The following SRR variants were observed in gnomAD, a reference collection of about 807,000 sequenced individuals.
SRR encodes the protein serine racemase.
Under a neutral mutation model 32.7 loss-of-function variants are expected in SRR, and 19 were observed. The ratio of observed to expected loss-of-function variants is 0.58; its 90% CI spans 0.40 to 0.85. SRR has a LOEUF of 0.85. Among genes scored for constraint, SRR ranks in the 40% least tolerant of loss-of-function variants. SRR has a pLI of 0.00. For synonymous variants in SRR, 142 were observed against 140.9 expected (o/e 1.01, Z -0.06); for missense variants, 373 against 404.7 (o/e 0.92, Z 0.67).
Position 2,323,940 on chromosome 17 carries a change from T to C in SRR, c.*67T>C. On this transcript the variant is annotated 3_prime_UTR_variant, in exon 8 of 8. Coordinates refer to ENST00000344595, the MANE Select transcript of SRR (RefSeq NM_021947.3). Reference sequence around the variant, plus strand: ...ACTGAAGACATTTTGTTTCCTAGTATTGTCAACTCTTAGTTATCAGATTCT... The same window carrying C: ...ACTGAAGACATTTTGTTTCCTAGTACTGTCAACTCTTAGTTATCAGATTCT... The C allele has an allele frequency of 7.2e-7, 1 of 1,395,762 alleles. No individual in the cohort carries two copies. The highest frequency in any genetic ancestry group is 1.0e-6 in the Non-Finnish European group (1 of 1,002,446). 86.5% of individuals were successfully genotyped at this position (1,395,762 alleles called of 1,614,324 possible). A position where few individuals can be genotyped will look rare whatever the true frequency, so the allele number is the denominator to read the frequency against.
Position 2,324,710 on chromosome 17 carries a change from G to T in SRR, c.*837G>T, listed in dbSNP as rs772639833. The stretch of plus-strand genomic sequence containing the variant: ...CCACCTCTGTTGAAGAACATGTAAC[G>T]TACTACTGCCATCTTAGTAAAAATT... On this transcript the variant is annotated 3_prime_UTR_variant, in exon 8 of 8. Coordinates refer to ENST00000344595, the MANE Select transcript of SRR (RefSeq NM_021947.3). 6.2e-7 allele frequency: 1 copy of T among 1,613,942 alleles called. No homozygotes were observed. The highest frequency in any genetic ancestry group is 8.5e-7 in the Non-Finnish European group (1 of 1,180,030).
intron 1 of SRR, among the ~76,000 whole-genome samples, chr17:2,304,699 G>A (rs1221215444): frequency 6.6e-6 from 1 of 151,500 alleles, no homozygotes; most frequent in Non-Finnish European, 1.5e-5. Context: ...AGACTGCAGT[G>A]AGCCGAGATC....
chr17:2,312,744 G>T (rs889848199), intron 1 of SRR, among the ~76,000 whole-genome samples: 1 of 152,094 alleles, frequency 6.6e-6, no homozygotes, highest in African/African-American at 2.4e-5. Flanking sequence ...TTGGCAGTGG[G>T]TATCAGATTT....
At chr17:2,323,024 C>G in intron 6 of SRR, 112 bp from the exon 7 acceptor site, 1 of 1,153,102 alleles carries the variant, frequency 8.7e-7, no homozygotes, top group Non-Finnish European at 1.3e-6. Context: ...CTCGGGCTCC[C>G]AAAGTGTTGG....
At position 2,324,745 on chromosome 17, in the gene SRR, T is replaced by G; in HGVS notation, c.*872T>G. The G allele has an allele frequency of 1.2e-6, 2 of 1,614,238 alleles. No individual in the cohort carries two copies. Among genetic ancestry groups the G allele is most frequent in the Non-Finnish European group, 1.7e-6 (2 of 1,180,034 alleles). The stretch of plus-strand genomic sequence containing the variant: ...CATCTTAGTAAAAATTTTGAAAGGA[T>G]GACCACTCAGAACAACTCTCTTGAT... On this transcript the variant is annotated 3_prime_UTR_variant, in exon 8 of 8. Coordinates refer to ENST00000344595, the MANE Select transcript of SRR (RefSeq NM_021947.3).
chr17:2,310,874 G>A (rs1244600627), intron 1 of SRR, among the ~76,000 whole-genome samples: 6 of 152,034 alleles, frequency 3.9e-5, no homozygotes, highest in Non-Finnish European at 8.8e-5. Context: ...AGCCTCCCGA[G>A]TAGCTGGGAC....
At chr17:2,320,429 ATTC>A (rs1460490183) in intron 4 of SRR, among the ~76,000 whole-genome samples, 1 of 129,644 alleles carries the variant, frequency 7.7e-6, no homozygotes, top group Admixed American at 7.8e-5. Flanking sequence ...CTAATTTTTG[ATTC>A]TTTAGTACAG....
At position 2,317,978 on chromosome 17, in the gene SRR, T is replaced by C. The variant is rs1341111533; in HGVS notation, c.277T>C (p.Tyr93His). 6.2e-7 allele frequency: 1 copy of C among 1,613,020 alleles called. No homozygotes were observed. Among genetic ancestry groups the C allele is most frequent in the Admixed American group, 1.7e-5 (1 of 59,868 alleles). ...SSGNHGQALTYAAKLEGIPAY... is the reference protein window; with the variant it reads ...SSGNHGQALTHAAKLEGIPAY... The stretch of plus-strand genomic sequence containing the variant: ...TGGAAACCATGGCCAGGCTCTCACC[T>C]ATGCTGCCAAATTGGAAGGTACTTG... Residue 93 changes from tyrosine (Y) to histidine (H), a missense_variant, in exon 3 of 8, where the codon TAT (tyrosine) becomes CAT (histidine). Tyr to His is a moderately conservative substitution (Grantham distance 83). Coordinates refer to ENST00000344595, the MANE Select transcript of SRR (RefSeq NM_021947.3).
rs757648255 is a variant in SRR at position 2,324,689 on chromosome 17, C to T, written c.*816C>T. ...TCCCATCCTCCTCCTTCATACCCAC[C>T]TCTGTTGAAGAACATGTAACGTACT... On this transcript the variant is annotated 3_prime_UTR_variant, in exon 8 of 8. Coordinates refer to ENST00000344595, the MANE Select transcript of SRR (RefSeq NM_021947.3). 1 of 1,614,130 alleles carries T rather than the reference C, an allele frequency of 6.2e-7. No homozygotes were observed. Among genetic ancestry groups the T allele is most frequent in the Non-Finnish European group, 8.5e-7 (1 of 1,180,032 alleles).
At chr17:2,304,332 A>AGCTCCGCCTCCCGGGTTCAAGCTTTTCTC (rs2075360992) in intron 1 of SRR, among the ~76,000 whole-genome samples, 1 of 151,280 alleles carries the variant, frequency 6.6e-6, no homozygotes, top group Non-Finnish European at 1.5e-5. Flanking sequence ...GCTCACTGCA[A>AGCTCCGCCTCCCGGGTTCAAGCTTTTCTC]CCTCTGCCTC....
chr17:2,310,741 G>A (rs2075427728), intron 1 of SRR, among the ~76,000 whole-genome samples: 1 of 151,558 alleles, frequency 6.6e-6, no homozygotes, highest in Non-Finnish European at 1.5e-5. Context: ...ACTACTCCTG[G>A]CTAATTTTTT....
In SRR at chr17:2,323,317, T is replaced by C. The variant is rs1291429472; in HGVS notation, c.776T>C (p.Ile259Thr). ...ATTATCAGGGACCTTGTGGATGATA[T>C]CTTCACTGTCACAGAGGATGAAATT... ...WPIIRDLVDDIFTVTEDEIKC... is the reference protein window; with the variant it reads ...WPIIRDLVDDTFTVTEDEIKC... The change falls in exon 7 of 8, where the codon ATC (isoleucine) becomes ACC (threonine). Residue 259 changes from isoleucine to threonine, a missense_variant. Coordinates refer to ENST00000344595, the MANE Select transcript of SRR (RefSeq NM_021947.3). 5 of 1,613,918 alleles carry C rather than the reference T, an allele frequency of 3.1e-6. No homozygotes were observed. In the African/African-American group the frequency reaches 6.7e-5, roughly 22 times the overall value.
At chr17:2,316,294 G>A (rs189445958) in intron 2 of SRR, among the ~76,000 whole-genome samples, 4 of 152,172 alleles carry the variant, frequency 2.6e-5, no homozygotes, top group Non-Finnish European at 5.9e-5. Flanking sequence ...TGCATTTCTC[G>A]AAACATATCC....
intron 1 of SRR, among the ~76,000 whole-genome samples, chr17:2,310,507 A>G (rs1282587205): frequency 6.6e-6 from 1 of 152,030 alleles, no homozygotes; most frequent in Non-Finnish European, 1.5e-5. Flanking sequence ...GCATCCTGCC[A>G]AGGGGGCATA....
In SRR at chr17:2,324,395, G is replaced by A. The variant is rs1408318314; in HGVS notation, c.*522G>A. ...GGTACCTAGAAAGACATCAGAACAA[G>A]TCGGTCAAATTAAAAGTAGAAAATT... On this transcript the variant is annotated 3_prime_UTR_variant, in exon 8 of 8. Transcript: ENST00000344595. The A allele has an allele frequency of 2.1e-5, 34 of 1,592,560 alleles. No homozygotes were observed. Among genetic ancestry groups the A allele is most frequent in the Non-Finnish European group, 2.7e-5 (32 of 1,170,538 alleles).
chr17:2,319,005 C>A, intron 4 of SRR, 76 bp downstream of exon 4: 2 of 955,486 alleles, frequency 2.1e-6, no homozygotes, highest in South Asian at 1.4e-5. Context: ...ACTGGCTGCT[C>A]CTTCTCAGCC....
upstream of SRR, chr17:2,303,822 T>C (rs2075348863): frequency 5.3e-6 from 5 of 951,962 alleles, no homozygotes; most frequent in Non-Finnish European, 7.5e-6. Flanking sequence ...CCTCCCGGCC[T>C]TTCCCCGCCC....
intron 1 of SRR, among the ~76,000 whole-genome samples, chr17:2,313,993 A>AT (rs1300550363): frequency 2.6e-5 from 4 of 152,200 alleles, no homozygotes; most frequent in Non-Finnish European, 1.5e-5. Context: ...ATTCTTTTGT[A>AT]ATAAGGAAAA....
chr17:2,311,892 G>T (rs902927217), intron 1 of SRR, among the ~76,000 whole-genome samples: 1 of 152,046 alleles, frequency 6.6e-6, no homozygotes, highest in Non-Finnish European at 1.5e-5. Context: ...GCATTTCAGA[G>T]GAAAAGGATT....
Sources: allele counts gnomAD v4.1 joint callset (sites outside exome capture counted in the v4.1 genomes callset), GRCh38; gene constraint gnomAD v4.1.1; transcripts MANE v1.5; gene names NCBI Gene and HGNC (gene_info 2026-07-23, HGNC 2026-07-21).